Variants in ERBIN observed in about 807,000 individuals in gnomAD.
ERBIN encodes erbb2 interacting protein, also known as densin-180-like protein.
Under a neutral mutation model 158.4 loss-of-function variants are expected in ERBIN, and 60 were observed. That is an observed-to-expected ratio of 0.38 (90% confidence interval 0.31 to 0.47). The LOEUF is 0.47. Among genes scored for constraint, ERBIN ranks in the 20% least tolerant of loss-of-function variants. The pLI is 0.99. For missense variants in ERBIN, 1,610 were observed against 1,648.0 expected (o/e 0.98, Z 0.40); for synonymous variants, 594 against 557.2 (o/e 1.07, Z -0.93).
At chr5:65,957,710 G>C (rs763219839) in intron 1 of ERBIN, among the ~76,000 whole-genome samples, 6 of 152,192 alleles carry the variant, frequency 3.9e-5, no homozygotes, top group African/African-American at 1.4e-4. Context: ...ATCATGGCCC[G>C]TTCTCAATGA....
chr5:65,986,625 G>A (rs1751265843), intron 1 of ERBIN, among the ~76,000 whole-genome samples: 1 of 152,312 alleles, frequency 6.6e-6, no homozygotes, highest in African/African-American at 2.4e-5. Flanking sequence ...TATGATGTAT[G>A]TACTTTTTAT....
chr5:65,975,674 T>C (rs1749780426), intron 1 of ERBIN, among the ~76,000 whole-genome samples: 1 of 152,204 alleles, frequency 6.6e-6, no homozygotes, highest in South Asian at 2.1e-4. Flanking sequence ...AAAGTGTGAT[T>C]GGAGTGGATT....
chr5:65,941,684 A>G (rs563644521), intron 1 of ERBIN, among the ~76,000 whole-genome samples: 1 of 152,302 alleles, frequency 6.6e-6, no homozygotes, highest in South Asian at 2.1e-4. Context: ...GTCACTACTT[A>G]TACCCTAAGG....
intron 7 of ERBIN, among the ~76,000 whole-genome samples, chr5:66,016,934 G>A (rs752754728): frequency 2.6e-5 from 4 of 151,688 alleles, no homozygotes; most frequent in Non-Finnish European, 5.9e-5. Context: ...TTTTTAGCTC[G>A]CACATGTGAA....
At chr5:66,068,186 T>C (rs866647246) in intron 21 of ERBIN, among the ~76,000 whole-genome samples, 36 of 151,628 alleles carry the variant, frequency 2.4e-4, no homozygotes, top group African/African-American at 8.5e-4. Flanking sequence ...ATAATAATAA[T>C]AATAACAACA....
At chr5:65,998,919 AT>A (rs1392274786) in intron 4 of ERBIN, among the ~76,000 whole-genome samples, 85 of 138,500 alleles carry the variant, frequency 6.1e-4, no homozygotes, top group African/African-American at 2.0e-3. Context: ...AAAAAAAAAA[AT>A]TATGCCCAAA....
intron 1 of ERBIN, among the ~76,000 whole-genome samples, chr5:65,944,888 C>A (rs1403990589): frequency 1.3e-5 from 2 of 152,066 alleles, no homozygotes; most frequent in African/African-American, 2.4e-5. Context: ...TTACTAGATA[C>A]ATGATTTGCA....
intron 21 of ERBIN, among the ~76,000 whole-genome samples, chr5:66,064,135 G>A (rs1760751362): frequency 6.6e-6 from 1 of 152,166 alleles, no homozygotes; most frequent in South Asian, 2.1e-4. Flanking sequence ...AAATGCAATA[G>A]TAATCACAGA....
chr5:66,058,058 G>A (rs1323703417), intron 21 of ERBIN, among the ~76,000 whole-genome samples: 1 of 152,100 alleles, frequency 6.6e-6, no homozygotes, highest in Non-Finnish European at 1.5e-5. Context: ...CCAGTAATGG[G>A]ATTGCTGGGT....
chr5:65,969,818 C>G (rs1159418769), intron 1 of ERBIN, among the ~76,000 whole-genome samples: 1 of 152,156 alleles, frequency 6.6e-6, no homozygotes, highest in Non-Finnish European at 1.5e-5. Context: ...GTTTCAGATA[C>G]TGCTTCCTAA....
chr5:65,986,366 T>C (rs1463520351), intron 1 of ERBIN, among the ~76,000 whole-genome samples: 1 of 152,208 alleles, frequency 6.6e-6, no homozygotes, highest in Admixed American at 6.5e-5. Flanking sequence ...GTCATGTCTG[T>C]GGGAGTGTGT....
chr5:65,941,313 T>TAAAAAAAAAAAAAAAAAAAAAA (rs1217469941), intron 1 of ERBIN, among the ~76,000 whole-genome samples: 1 of 60,088 alleles, frequency 1.7e-5, no homozygotes, highest in Non-Finnish European at 5.1e-5. Flanking sequence ...GAATGATCAA[T>TAAAAAAAAAAAAAAAAAAAAAA]AAAAAAAAAA....
chr5:66,037,777 T>C (rs537874941), intron 14 of ERBIN, among the ~76,000 whole-genome samples: 2 of 152,038 alleles, frequency 1.3e-5, no homozygotes, highest in Non-Finnish European at 2.9e-5. Flanking sequence ...TGGATAACAT[T>C]TGTTGACTAG....
intron 1 of ERBIN, among the ~76,000 whole-genome samples, chr5:65,952,438 C>T (rs1195252870): frequency 6.8e-6 from 1 of 148,068 alleles, no homozygotes; most frequent in East Asian, 1.9e-4. Context: ...TGGTGCATTG[C>T]AGCCTCAAAC....
chr5:65,931,483 A>AT (rs1177748405), intron 1 of ERBIN, among the ~76,000 whole-genome samples: 1 of 152,244 alleles, frequency 6.6e-6, no homozygotes, highest in Non-Finnish European at 1.5e-5. Context: ...AGAAATAGTA[A>AT]TAGTCCTAAG....
chr5:65,958,474 A>C (rs1747520491), intron 1 of ERBIN, among the ~76,000 whole-genome samples: 1 of 152,154 alleles, frequency 6.6e-6, no homozygotes, highest in South Asian at 2.1e-4. Context: ...TACGAAAACC[A>C]GTCAGGCGGG....
Position 66,066,848 on chromosome 5 carries a change from G to T in ERBIN, c.3634-5321G>T, listed in dbSNP as rs574890784. On this transcript the variant is annotated intron_variant, in intron 21 of 25. Transcript: ENST00000284037. ...AATTGAGCACTCTACAATGTGTTGT[G>T]ACAGGAAGCAGTTTTACGTGGATGT... 4.6e-5 allele frequency among the ~76,000 whole-genome samples: 7 copies of T among 152,330 alleles called. No individual in the cohort carries two copies. In the East Asian group the frequency reaches 1.3e-3, roughly 29 times the overall value.
intron 14 of ERBIN, among the ~76,000 whole-genome samples, chr5:66,032,734 G>A (rs763672405): frequency 1.5e-4 from 23 of 152,254 alleles, no homozygotes; most frequent in East Asian, 1.9e-4. Flanking sequence ...AACAGAACAC[G>A]TTGCCTTGAA....
At chr5:66,008,532 CAA>C (rs1561366356) in intron 4 of ERBIN, among the ~76,000 whole-genome samples, 1 of 152,096 alleles carries the variant, frequency 6.6e-6, no homozygotes, top group South Asian at 2.1e-4. Context: ...GAATTAAACA[CAA>C]TATTTGTAAT....
Sources: allele counts gnomAD v4.1 joint callset (sites outside exome capture counted in the v4.1 genomes callset), GRCh38; gene constraint gnomAD v4.1.1; transcripts MANE v1.5; gene names NCBI Gene and HGNC (gene_info 2026-07-23, HGNC 2026-07-21).